CHRM3: variants seen among roughly 807,000 people sequenced by gnomAD.
CHRM3 encodes cholinergic receptor muscarinic 3.
CHRM3 carries 11 observed loss-of-function variants against 41.8 expected under a neutral mutation model. The observed-to-expected ratio is 0.26, with a 90% CI of 0.17 to 0.44. CHRM3 has a LOEUF of 0.44. CHRM3 is among the 20% of genes least tolerant of loss of function. The probability of loss-of-function intolerance (pLI) is 1.00; values close to 1 mark genes in which losing one functional copy is unlikely to be tolerated. For synonymous variants in CHRM3, 297 were observed against 301.4 expected, an observed-to-expected ratio of 0.99 and a Z score of 0.15; for missense variants, 571 against 745.4, an observed-to-expected ratio of 0.77 and a Z score of 2.72.
chr1:239,430,683 A>G (rs918261794), intron 1 of CHRM3, among the ~76,000 whole-genome samples: 2 of 151,490 alleles, frequency 1.3e-5, no homozygotes, highest in Admixed American at 6.6e-5. Context: ...AGATATATAT[A>G]TATATACACA....
chr1:239,700,412 T>C (rs1660577357), intron 5 of CHRM3, among the ~76,000 whole-genome samples: 1 of 152,186 alleles, frequency 6.6e-6, no homozygotes, highest in African/African-American at 2.4e-5. Flanking sequence ...TCTTTGACCA[T>C]TGGAAAATTG....
chr1:239,697,291 G>T (rs559585806), intron 5 of CHRM3, among the ~76,000 whole-genome samples: 1 of 152,186 alleles, frequency 6.6e-6, no homozygotes, highest in African/African-American at 2.4e-5. Context: ...TTTTATAAAG[G>T]CAAGTTTCCC....
At chr1:239,787,009 G>A (rs1572289186) in intron 5 of CHRM3, among the ~76,000 whole-genome samples, 4 of 152,258 alleles carry the variant, frequency 2.6e-5, no homozygotes, top group African/African-American at 9.6e-5. Flanking sequence ...TGTCAGAGGG[G>A]CCAGACAAGA....
intron 5 of CHRM3, chr1:239,707,694 G>A (rs142404248): frequency 1.3e-5 from 2 of 152,080 alleles, no homozygotes; most frequent in East Asian, 3.9e-4. Context: ...TAGTTTTTTT[G>A]TACTCCATAA....
At chr1:239,432,438 T>C (rs1285866403) in intron 1 of CHRM3, among the ~76,000 whole-genome samples, 1 of 152,182 alleles carries the variant, frequency 6.6e-6, no homozygotes, top group East Asian at 1.9e-4. Context: ...CATTTGTGTC[T>C]AATCTTACTT....
At chr1:239,560,468 A>G (rs1660748905) in intron 3 of CHRM3, among the ~76,000 whole-genome samples, 1 of 152,162 alleles carries the variant, frequency 6.6e-6, no homozygotes, top group Admixed American at 6.6e-5. Flanking sequence ...GGTAATTTAT[A>G]TATTTGCACA....
intron 2 of CHRM3, among the ~76,000 whole-genome samples, chr1:239,527,539 T>A (rs1209343402): frequency 1.3e-5 from 2 of 152,224 alleles, no homozygotes; most frequent in Non-Finnish European, 2.9e-5. Flanking sequence ...TTCTCAGGTC[T>A]GAGATTTTTG....
At chr1:239,480,931 T>A (rs1666812560) in intron 1 of CHRM3, among the ~76,000 whole-genome samples, 1 of 152,194 alleles carries the variant, frequency 6.6e-6, no homozygotes, top group Non-Finnish European at 1.5e-5. Context: ...AGCCACTAAC[T>A]TGCAGAGTGA....
chr1:239,409,744 C>T (rs1660921473), intron 1 of CHRM3, among the ~76,000 whole-genome samples: 1 of 152,084 alleles, frequency 6.6e-6, no homozygotes, highest in African/African-American at 2.4e-5. Context: ...AGATCGAGAC[C>T]TTCCTGGCTA....
Position 239,610,682 on chromosome 1 carries a change from G to A in CHRM3, c.-312-21542G>A, listed in dbSNP as rs573460942. On this transcript the variant is annotated intron_variant, in intron 3 of 6. Transcript: ENST00000676153. ...CCCAAGGTCATGAGTATGTGACAGA[G>A]TAGAGTTCACATCAAGCCTCCTTAA... Among the ~76,000 whole-genome samples the A allele has an allele frequency of 2.6e-5, 4 of 152,286 alleles. No homozygotes were observed. In the East Asian group the frequency reaches 5.8e-4, roughly 22 times the overall value.
intron 2 of CHRM3, among the ~76,000 whole-genome samples, chr1:239,504,829 A>T (rs1034528732): frequency 6.6e-6 from 1 of 152,118 alleles, no homozygotes; most frequent in Non-Finnish European, 1.5e-5. Flanking sequence ...ACCAAACATC[A>T]TATATTCTCA....
intron 5 of CHRM3, among the ~76,000 whole-genome samples, chr1:239,800,293 A>C (rs368693322): frequency 1.3e-5 from 2 of 152,196 alleles, no homozygotes; most frequent in African/African-American, 4.8e-5. Context: ...TTCTGGTTCC[A>C]TGGAGCCAGG....
intron 3 of CHRM3, among the ~76,000 whole-genome samples, chr1:239,603,383 C>A (rs772483585): frequency 4.6e-5 from 7 of 152,102 alleles, no homozygotes; most frequent in Non-Finnish European, 8.8e-5. Context: ...TGAACAGGTG[C>A]TATCACCAAT....
chr1:239,900,180 T>C (rs1679409470), intron 6 of CHRM3, among the ~76,000 whole-genome samples: 1 of 152,186 alleles, frequency 6.6e-6, no homozygotes, highest in South Asian at 2.1e-4. Context: ...GGAAGGAATA[T>C]TAAACATAGG....
chr1:239,525,699 T>TA (rs1185468882), intron 2 of CHRM3, among the ~76,000 whole-genome samples: 4 of 152,230 alleles, frequency 2.6e-5, no homozygotes, highest in Non-Finnish European at 4.4e-5. Flanking sequence ...TTTTAATGCT[T>TA]AAAAATAGAT....
At chr1:239,530,474 A>C (rs1316924643) in intron 2 of CHRM3, among the ~76,000 whole-genome samples, 1 of 152,244 alleles carries the variant, frequency 6.6e-6, no homozygotes, top group Non-Finnish European at 1.5e-5. Flanking sequence ...GGAGACTTCC[A>C]GAGTGTGACT....
intron 6 of CHRM3, among the ~76,000 whole-genome samples, chr1:239,855,813 T>C (rs915375453): frequency 6.6e-6 from 1 of 152,210 alleles, no homozygotes; most frequent in South Asian, 2.1e-4. Flanking sequence ...GATAATCTTA[T>C]AATACCACAT....
intron 1 of CHRM3, among the ~76,000 whole-genome samples, chr1:239,441,352 A>G (rs1349072584): frequency 1.3e-5 from 2 of 152,210 alleles, no homozygotes. Context: ...AAGGTCTTAG[A>G]CTATTGTACC....
Position 239,653,133 on chromosome 1 carries a change from C to T in CHRM3, c.-250+20847C>T, listed in dbSNP as rs189893019. 7.2e-5 allele frequency among the ~76,000 whole-genome samples: 11 copies of T among 152,196 alleles called. No individual in the cohort carries two copies. The East Asian group carries it at 1.9e-3, about 27-fold the overall frequency. On this transcript the variant is annotated intron_variant, in intron 4 of 6. Transcript: ENST00000676153. ...CTCAGTATAGAACTGGGATCAATTCCAAACACAACATGGACAAGTGGGGAT... is the reference window on the plus strand; with the variant it reads ...CTCAGTATAGAACTGGGATCAATTCTAAACACAACATGGACAAGTGGGGAT...
Sources: gnomAD v4.1 joint callset for allele counts (sites outside exome capture counted in the v4.1 genomes callset) on GRCh38, gnomAD v4.1.1 for gene constraint, MANE v1.5 for transcripts, NCBI Gene and HGNC (gene_info 2026-07-23, HGNC 2026-07-21) for gene names.